STK31: variants seen among roughly 807,000 people sequenced by gnomAD.
STK31 encodes the protein serine/threonine kinase 31.
Under a neutral mutation model 129.7 loss-of-function variants are expected in STK31, and 89 were observed. The ratio of observed to expected loss-of-function variants is 0.69; its 90% CI spans 0.58 to 0.82. STK31 has a LOEUF of 0.82. STK31 is among the 40% of genes least tolerant of loss of function. The pLI, the probability that STK31 is intolerant of heterozygous loss-of-function variation, is 0.00. For missense variants in STK31, 1,187 were observed against 1,176.4 expected (o/e 1.01, Z -0.13); for synonymous variants, 448 against 395.3 (o/e 1.13, Z -1.58).
At chr7:23,812,171 C>A (rs1418884626) in intron 22 of STK31, among the ~76,000 whole-genome samples, 2 of 152,112 alleles carry the variant, frequency 1.3e-5, no homozygotes, top group African/African-American at 2.4e-5. Context: ...TTGAGAACAT[C>A]TTGATTTCAC....
intron 8 of STK31, among the ~76,000 whole-genome samples, chr7:23,741,343 A>G (rs909387188): frequency 4.6e-5 from 7 of 152,156 alleles, no homozygotes; most frequent in African/African-American, 1.7e-4. Context: ...CTTTGCTTCT[A>G]GGTTATAGAA....
intron 14 of STK31, 96 bp downstream of exon 14, chr7:23,771,220 T>A: frequency 8.7e-7 from 1 of 1,154,954 alleles, no homozygotes; most frequent in Non-Finnish European, 1.2e-6. Flanking sequence ...TCAGTGTCAG[T>A]AAATTGTTAT....
At chr7:23,720,184 T>C (rs1270323821) in intron 4 of STK31, among the ~76,000 whole-genome samples, 1 of 152,092 alleles carries the variant, frequency 6.6e-6, no homozygotes, top group African/African-American at 2.4e-5. Context: ...ACGAAAAATA[T>C]GGGAAGAAGT....
intron 22 of STK31, among the ~76,000 whole-genome samples, chr7:23,792,990 C>G (rs1205395655): frequency 2.6e-5 from 4 of 152,176 alleles, no homozygotes; most frequent in Non-Finnish European, 5.9e-5. Flanking sequence ...CCACTGCACT[C>G]CAGCCTAGGC....
chr7:23,770,126 A>G (rs1041078192), intron 13 of STK31, among the ~76,000 whole-genome samples: 4 of 152,198 alleles, frequency 2.6e-5, no homozygotes, highest in Non-Finnish European at 5.9e-5. Flanking sequence ...TTAAAATCTG[A>G]GAGAGCTCTG....
chr7:23,710,720 T>C (rs1460960978), intron 1 of STK31: 1 of 1,074,208 alleles, frequency 9.3e-7, no homozygotes, highest in African/African-American at 1.6e-5. Flanking sequence ...TACTATTTTG[T>C]GATCTCTGTT....
chr7:23,732,861 T>G (rs1250165859), intron 6 of STK31, among the ~76,000 whole-genome samples: 3 of 152,148 alleles, frequency 2.0e-5, no homozygotes. Flanking sequence ...GATAGACTTT[T>G]GATAATAAGA....
chr7:23,831,584 C>G (rs1488940203), intron 23 of STK31, among the ~76,000 whole-genome samples: 2 of 152,178 alleles, frequency 1.3e-5, no homozygotes, highest in Non-Finnish European at 2.9e-5. Context: ...GTCATTGATA[C>G]ATGCATGAGG....
chr7:23,815,310 C>T (rs1793404004), intron 23 of STK31, 98 bp downstream of exon 23: 1 of 842,226 alleles, frequency 1.2e-6, no homozygotes, highest in African/African-American at 1.7e-5. Context: ...TCTAAGAATC[C>T]AAATTAACAT....
At chr7:23,725,372 CAAA>C (rs57280021) in intron 4 of STK31, among the ~76,000 whole-genome samples, 2 of 57,754 alleles carry the variant, frequency 3.5e-5, no homozygotes, top group African/African-American at 1.5e-4. Context: ...CCTGTTTCTA[CAAA>C]AAAAAAAAAA....
intron 10 of STK31, among the ~76,000 whole-genome samples, chr7:23,761,410 A>G (rs1265657155): frequency 6.8e-6 from 1 of 147,302 alleles, no homozygotes; most frequent in African/African-American, 2.5e-5. Flanking sequence ...CTTGATTGCC[A>G]TGTGGCCATA....
rs545898873 is a variant in STK31, at chr7:23,825,807, C to A, written c.2830-6329C>A. ...GATTCTGGTATGTTGTGTCTTTGTT[C>A]TCGTTGGTTTCAAAGAACATCTTTA... On this transcript the variant is annotated intron_variant, in intron 23 of 23. Transcript: ENST00000355870. Among the ~76,000 whole-genome samples the A allele has an allele frequency of 4.3e-3, 661 of 152,192 alleles. 8 individuals are homozygous for A. The highest frequency in any genetic ancestry group is 0.015 in the African/African-American group (639 of 41,528).
chr7:23,734,824 G>T (rs184593377), intron 6 of STK31, among the ~76,000 whole-genome samples: 2 of 152,248 alleles, frequency 1.3e-5, no homozygotes, highest in African/African-American at 2.4e-5. Context: ...AATTAGGCAG[G>T]TGTGGTGGTG....
At chr7:23,803,169 T>C (rs1352783854) in intron 22 of STK31, among the ~76,000 whole-genome samples, 5 of 152,182 alleles carry the variant, frequency 3.3e-5, no homozygotes, top group African/African-American at 4.8e-5. Flanking sequence ...AGGCTGTGTA[T>C]ACTTTGACCT....
intron 4 of STK31, 73 bp from the exon 5 acceptor site, chr7:23,727,168 A>T (rs2128072077): frequency 8.1e-7 from 1 of 1,239,906 alleles, no homozygotes; most frequent in Admixed American, 1.8e-5. Flanking sequence ...AAGAGCTTAA[A>T]TGCTAACCTT....
rs369393654 is a variant in STK31, at chr7:23,789,538, T to C, written c.2638-1286T>C. Among the ~76,000 whole-genome samples the C allele has an allele frequency of 2.1e-4, 32 of 152,234 alleles. No individual in the cohort carries two copies. The East Asian group carries it at 6.0e-3, about 28-fold the overall frequency. On this transcript the variant is annotated intron_variant, in intron 21 of 23. Transcript: ENST00000355870. ...TGTAATGCTACTGGAGTATATATAG[T>C]CTTAATGGTTTTGATATGGTAGCTC... is the stretch of plus-strand genomic sequence containing the variant.
intron 22 of STK31, among the ~76,000 whole-genome samples, chr7:23,804,365 A>G (rs1792562144): frequency 6.6e-6 from 1 of 152,126 alleles, no homozygotes; most frequent in African/African-American, 2.4e-5. Flanking sequence ...TTTTGGGAGT[A>G]GCTTATCTAT....
At chr7:23,739,030 T>A (rs2128083090) in intron 8 of STK31, among the ~76,000 whole-genome samples, 1 of 152,368 alleles carries the variant, frequency 6.6e-6, no homozygotes, top group East Asian at 1.9e-4. Context: ...TTTCTTGTTC[T>A]AGATCCTTGA....
intron 3 of STK31, among the ~76,000 whole-genome samples, 160 bp downstream of exon 3, chr7:23,712,446 G>A (rs1357014458): frequency 2.0e-5 from 3 of 151,988 alleles, no homozygotes; most frequent in Non-Finnish European, 2.9e-5. Context: ...GACAAATGTT[G>A]ACAGCTGTGA....
Sources: allele counts gnomAD v4.1 joint callset (sites outside exome capture counted in the v4.1 genomes callset), GRCh38; gene constraint gnomAD v4.1.1; transcripts MANE v1.5; gene names NCBI Gene and HGNC (gene_info 2026-07-23, HGNC 2026-07-21).